The following PDPK1 variants were observed in gnomAD, a reference collection of about 807,000 sequenced individuals.
PDPK1 encodes the protein 3-phosphoinositide-dependent protein kinase 1.
Under a neutral mutation model 39.8 loss-of-function variants are expected in PDPK1, and 7 were observed. The observed-to-expected ratio is 0.18, with a 90% CI of 0.10 to 0.33. The LOEUF (loss-of-function observed/expected upper bound fraction) is 0.33. Ranked by LOEUF, PDPK1 falls within the 10% of genes least tolerant of loss-of-function variation. PDPK1 has a pLI of 1.00. For synonymous variants in PDPK1, 118 were observed against 159.1 expected, an observed-to-expected ratio of 0.74 and a Z score of 1.95; for missense variants, 182 against 384.7, an observed-to-expected ratio of 0.47 and a Z score of 4.41.
chr16:2,577,918 TGGTAGAGACGG>T (rs2066747846), intron 7 of PDPK1, among the ~76,000 whole-genome samples: 1 of 148,198 alleles, frequency 6.7e-6, no homozygotes. Flanking sequence ...GTTGTATTTT[TGGTAGAGACGG>T]GGTTTCACCA....
chr16:2,545,310 T>G (rs1463931466), intron 1 of PDPK1, among the ~76,000 whole-genome samples: 2 of 152,014 alleles, frequency 1.3e-5, no homozygotes, highest in Non-Finnish European at 1.5e-5. Flanking sequence ...CTCAAAGCTC[T>G]TTCTTGTTCT....
At chr16:2,542,616 A>G (rs1268726811) in intron 1 of PDPK1, among the ~76,000 whole-genome samples, 4 of 152,222 alleles carry the variant, frequency 2.6e-5, no homozygotes, top group African/African-American at 9.6e-5. Context: ...TGTGGTTTCC[A>G]TCTGATGAAG....
rs191237172 is a variant in PDPK1, at chr16:2,587,782, G to A, written c.1343+889G>A. On this transcript the variant is annotated intron_variant, in intron 11 of 13. Transcript: ENST00000342085. ...ACGTGTATGGAGACTATTCCTTGTT[G>A]TATGTTTTGCAAACATTCTTCAGTT... Among the ~76,000 whole-genome samples the A allele has an allele frequency of 6.6e-5, 10 of 152,264 alleles. No homozygotes were observed. The East Asian group carries it at 1.7e-3, about 26-fold the overall frequency.
chr16:2,552,341 T>A (rs1450761556), intron 1 of PDPK1, among the ~76,000 whole-genome samples: 3 of 151,084 alleles, frequency 2.0e-5, no homozygotes, highest in East Asian at 3.9e-4. Flanking sequence ...ATTGAAACTC[T>A]AAGTTCTTAT....
intron 11 of PDPK1, among the ~76,000 whole-genome samples, chr16:2,588,243 T>A (rs1041142100): frequency 3.3e-5 from 5 of 152,162 alleles, no homozygotes; most frequent in Non-Finnish European, 7.3e-5. Flanking sequence ...GAATCACACC[T>A]AGTGTGATTG....
At position 2,600,936 on chromosome 16, in the gene PDPK1, CCATGT is replaced by C. The variant is rs1244331364; in HGVS notation, c.*3174_*3178del. ...CTCCCTTGATATTTTAAGCATTTTC[CCATGT>C]CATGAGTTTCTCAGAAACATGTTTT... On this transcript the variant is annotated 3_prime_UTR_variant, in exon 14 of 14. Transcript: ENST00000342085. 4.4e-6 allele frequency: 1 copy of C among 225,286 alleles called. No homozygotes were observed. Among genetic ancestry groups the C allele is most frequent in the Admixed American group, 5.8e-5 (1 of 17,206 alleles). The allele number at this position is 225,286 out of a possible 1,614,324, so 14.0% of individuals were successfully genotyped here.
At chr16:2,540,691 CG>C (rs1363800604) in intron 1 of PDPK1, among the ~76,000 whole-genome samples, 1 of 152,134 alleles carries the variant, frequency 6.6e-6, no homozygotes, top group Non-Finnish European at 1.5e-5. Context: ...TCTGTGACCC[CG>C]GGGCCTGTTT....
chr16:2,590,212 C>T (rs2066961336), intron 11 of PDPK1, among the ~76,000 whole-genome samples: 1 of 152,086 alleles, frequency 6.6e-6, no homozygotes, highest in Non-Finnish European at 1.5e-5. Context: ...CCTCTACCTC[C>T]TGGGCTTAAG....
chr16:2,591,370 G>A (rs1212347435), intron 11 of PDPK1, among the ~76,000 whole-genome samples: 1 of 152,178 alleles, frequency 6.6e-6, no homozygotes, highest in Non-Finnish European at 1.5e-5. Context: ...TCACATGAGG[G>A]TAGAAGAGCC....
intron 1 of PDPK1, among the ~76,000 whole-genome samples, chr16:2,543,190 C>T (rs914220520): frequency 5.3e-4 from 5 of 9,490 alleles, no homozygotes; most frequent in East Asian, 1.2e-3. Flanking sequence ...AGTTCTGCCT[C>T]GGTGATTCCA....
At chr16:2,585,396 A>G (rs1418089392) in intron 10 of PDPK1, among the ~76,000 whole-genome samples, 1 of 152,184 alleles carries the variant, frequency 6.6e-6, no homozygotes, top group Non-Finnish European at 1.5e-5. Flanking sequence ...AACGGTGTCA[A>G]GCATGGAAGG....
intron 6 of PDPK1, 172 bp from the exon 7 acceptor site, chr16:2,577,253 G>A: frequency 1.4e-6 from 1 of 700,928 alleles, no homozygotes; most frequent in Non-Finnish European, 2.6e-6. Flanking sequence ...GGGCGCCGGT[G>A]TCCAGGGATC....
rs1174919501 is a variant in PDPK1, at chr16:2,593,365, CT to C, written c.1344-2425del. ...CCCATGGCGGCTGTATCTGGAAGTC[CT>C]TTCCCGCCCCAGCTGTGGTCCTGGT... is the stretch of plus-strand genomic sequence containing the variant. On this transcript the variant is annotated intron_variant, in intron 11 of 13. Coordinates refer to ENST00000342085, the MANE Select transcript of PDPK1 (RefSeq NM_002613.5). This position sits in a 1 kb window ranked among gnomAD's most constrained non-coding sequence, Gnocchi z 4.2. 6.0e-6 allele frequency: 2 copies of C among 334,120 alleles called. No individual in the cohort carries two copies. Among genetic ancestry groups the C allele is most frequent in the Non-Finnish European group, 1.2e-5 (2 of 173,528 alleles). The allele number at this position is 334,120 out of a possible 1,614,324, so 20.7% of individuals were successfully genotyped here.
chr16:2,540,301 C>G lies in PDPK1; in HGVS notation c.24+2165C>G, dbSNP rs12930704. Among the ~76,000 whole-genome samples, 287 of 152,286 alleles carry G rather than the reference C, an allele frequency of 1.9e-3. 2 individuals are homozygous for G. Among genetic ancestry groups the G allele is most frequent in the South Asian group, 6.4e-3 (31 of 4,814 alleles). On this transcript the variant is annotated intron_variant, in intron 1 of 13. Coordinates refer to ENST00000342085, the MANE Select transcript of PDPK1 (RefSeq NM_002613.5). ...GACAGTGGCCTGGCCCAGTCTGATG[C>G]TAAGTGGGCCAGAGGCAGTGAGTAC...
In PDPK1 at chr16:2,593,218, A is replaced by G. The variant is rs1025175258; in HGVS notation, c.1344-2575A>G. On this transcript the variant is annotated intron_variant, in intron 11 of 13. Transcript: ENST00000342085. The surrounding 1 kb of genome is among the most constrained non-coding windows in gnomAD (Gnocchi z 4.2). ...AATGTCTTCATTTAGGGCCATTGAGAGTTTCTTGTGTCACTGAATTCCTCT... is the reference window on the plus strand; with the variant it reads ...AATGTCTTCATTTAGGGCCATTGAGGGTTTCTTGTGTCACTGAATTCCTCT... 2.6e-6 allele frequency: 1 copy of G among 383,114 alleles called. No individual in the cohort carries two copies. Among genetic ancestry groups the G allele is most frequent in the Non-Finnish European group, 5.1e-6 (1 of 195,782 alleles). The allele number at this position is 383,114 out of a possible 1,614,324, so 23.7% of individuals were successfully genotyped here.
chr16:2,595,441 C>T (rs1056005472), intron 11 of PDPK1, among the ~76,000 whole-genome samples: 2 of 152,162 alleles, frequency 1.3e-5, no homozygotes, highest in South Asian at 2.1e-4. Flanking sequence ...GGCAGTTCTG[C>T]GCCTCACCAC....
At chr16:2,541,199 G>C (rs1309450869) in intron 1 of PDPK1, among the ~76,000 whole-genome samples, 1 of 152,184 alleles carries the variant, frequency 6.6e-6, no homozygotes, top group Non-Finnish European at 1.5e-5. Flanking sequence ...AAGAGGCCTT[G>C]GGCAGCTCTT....
At chr16:2,543,799 G>A (rs1268090695) in intron 1 of PDPK1, among the ~76,000 whole-genome samples, 3 of 152,100 alleles carry the variant, frequency 2.0e-5, no homozygotes, top group East Asian at 3.9e-4. Context: ...TCGGCTCACC[G>A]CAACCTCCGT....
In PDPK1 at chr16:2,597,982, C is replaced by T. The variant is rs949646710; in HGVS notation, c.*215C>T. 7.0e-6 allele frequency: 4 copies of T among 569,186 alleles called. No individual in the cohort carries two copies. The highest frequency in any genetic ancestry group is 3.1e-5 in the Admixed American group (1 of 32,182). The allele number at this position is 569,186 out of a possible 1,614,324, so 35.3% of individuals were successfully genotyped here. ...TAACAAACACAAAGGAATTCAGGGT[C>T]GCTTTGCTTGCTCTCTGTGCTCCGT... On this transcript the variant is annotated 3_prime_UTR_variant, in exon 14 of 14. Transcript: ENST00000342085. This position sits in a 1 kb window ranked among gnomAD's most constrained non-coding sequence, Gnocchi z 6.3.
Sources: gnomAD v4.1 joint callset for allele counts (sites outside exome capture counted in the v4.1 genomes callset) on GRCh38, gnomAD v4.1.1 for gene constraint, Gnocchi (gnomAD v3.1) non-coding constraint, MANE v1.5 for transcripts, NCBI Gene and HGNC (gene_info 2026-07-23, HGNC 2026-07-21) for gene names.